Variants in HCRTR2 observed in about 807,000 individuals in gnomAD.
The protein encoded by HCRTR2 is orexin receptor type 2.
HCRTR2 carries 22 observed loss-of-function variants against 49.0 expected under a neutral mutation model. That is an observed-to-expected ratio of 0.45 (90% CI 0.32 to 0.64). The LOEUF is 0.64. HCRTR2 is among the 30% of genes least tolerant of loss of function. HCRTR2 has a pLI of 0.04. For missense variants in HCRTR2, 491 were observed against 559.4 expected (o/e 0.88, Z 1.23); for synonymous variants, 236 against 205.3 (o/e 1.15, Z -1.28).
At chr6:55,271,274 TA>T (rs1237358063) in intron 4 of HCRTR2, among the ~76,000 whole-genome samples, 1 of 152,268 alleles carries the variant, frequency 6.6e-6, no homozygotes, top group East Asian at 1.9e-4. Flanking sequence ...ATAAAGGTTT[TA>T]ACACAGTTCA....
chr6:55,263,707 G>T lies in HCRTR2; in HGVS notation c.647G>T (p.Gly216Val). 4 of 1,567,394 alleles carry T rather than the reference G, an allele frequency of 2.6e-6. No homozygotes were observed. Among genetic ancestry groups the T allele is most frequent in the Non-Finnish European group, 3.5e-6 (4 of 1,138,826 alleles). Residue 216 changes from glycine to valine, a missense_variant and splice_region_variant, in exon 4 of 7, where the codon GGT (glycine) becomes GTT (valine). Physicochemically the swap from Gly to Val is moderately radical, Grantham distance 109. Transcript: ENST00000370862. ...TTTGTTGTTTTGACTTTCATCCTAG[G>T]TGAAATTTATCCCAAGATGTACCAC... ...LFTVCDERWG[G>V]EIYPKMYHIC...
intron 1 of HCRTR2, among the ~76,000 whole-genome samples, chr6:55,208,456 C>T (rs1050485783): frequency 7.9e-5 from 12 of 151,444 alleles, no homozygotes; most frequent in African/African-American, 2.9e-4. Flanking sequence ...TACACCATTG[C>T]ACTCCAGTCT....
At chr6:55,261,015 C>A (rs1468085673) in intron 3 of HCRTR2, among the ~76,000 whole-genome samples, 1 of 151,988 alleles carries the variant, frequency 6.6e-6, no homozygotes, top group African/African-American at 2.4e-5. Flanking sequence ...ATAGAAAAGT[C>A]AAAACAAAGT....
chr6:55,140,061 G>A (rs1449497659), intron 1 of HCRTR2, among the ~76,000 whole-genome samples: 1 of 152,170 alleles, frequency 6.6e-6, no homozygotes, highest in African/African-American at 2.4e-5. Context: ...ACACACCCAT[G>A]CATAGTGGAT....
At chr6:55,207,555 G>A (rs926023488) in intron 1 of HCRTR2, among the ~76,000 whole-genome samples, 1 of 152,094 alleles carries the variant, frequency 6.6e-6, no homozygotes, top group East Asian at 1.9e-4. Flanking sequence ...ACAGTTTTGT[G>A]GGATTGTATT....
chr6:55,252,042 G>T (rs1562022534), intron 2 of HCRTR2, among the ~76,000 whole-genome samples: 1 of 152,066 alleles, frequency 6.6e-6, no homozygotes, highest in Non-Finnish European at 1.5e-5. Flanking sequence ...ATGATAAAAT[G>T]CAATTTTACA....
chr6:55,239,190 A>G (rs982621642), intron 1 of HCRTR2, among the ~76,000 whole-genome samples: 4 of 152,316 alleles, frequency 2.6e-5, no homozygotes, highest in Admixed American at 2.6e-4. Context: ...CACTAAGACT[A>G]TGGAACCTTC....
chr6:55,118,308 C>A (rs1413396216), intron 1 of HCRTR2, among the ~76,000 whole-genome samples: 2 of 151,922 alleles, frequency 1.3e-5, no homozygotes, highest in Non-Finnish European at 1.5e-5. Context: ...CATTGATGGA[C>A]ATTTAGGTTC....
At chr6:55,208,319 T>TAAAAATAAA (rs1562007245) in intron 1 of HCRTR2, among the ~76,000 whole-genome samples, 1 of 126,736 alleles carries the variant, frequency 7.9e-6, no homozygotes, top group Non-Finnish European at 1.7e-5. Context: ...CTACGAAAAA[T>TAAAAATAAA]AAAAAAATAA....
intron 3 of HCRTR2, among the ~76,000 whole-genome samples, chr6:55,258,165 T>G (rs1766688363): frequency 6.6e-6 from 1 of 152,142 alleles, no homozygotes; most frequent in Non-Finnish European, 1.5e-5. Context: ...CAAATATTTT[T>G]AAAGGCCAAC....
At chr6:55,203,869 T>G (rs1339669193) in intron 1 of HCRTR2, among the ~76,000 whole-genome samples, 4 of 151,306 alleles carry the variant, frequency 2.6e-5, no homozygotes, top group Non-Finnish European at 5.9e-5. Flanking sequence ...TGTAAGGACT[T>G]AAGGTTTTTT....
At chr6:55,169,341 G>T (rs556580802) in intron 1 of HCRTR2, among the ~76,000 whole-genome samples, 17 of 151,816 alleles carry the variant, frequency 1.1e-4, no homozygotes, top group Middle Eastern at 3.4e-3. Flanking sequence ...TTAAAACAGG[G>T]CATGGGAGGT....
intron 1 of HCRTR2, among the ~76,000 whole-genome samples, chr6:55,149,741 T>C (rs1209672562): frequency 6.6e-6 from 1 of 152,078 alleles, no homozygotes; most frequent in Non-Finnish European, 1.5e-5. Flanking sequence ...GGGTATTCAC[T>C]CATATTTAAT....
At chr6:55,223,190 C>T (rs1425902251) in intron 1 of HCRTR2, among the ~76,000 whole-genome samples, 1 of 152,064 alleles carries the variant, frequency 6.6e-6, no homozygotes, top group Non-Finnish European at 1.5e-5. Context: ...AAATTATTGG[C>T]ACCATATTTC....
At chr6:55,215,545 G>A (rs1203033458) in intron 1 of HCRTR2, among the ~76,000 whole-genome samples, 3 of 152,094 alleles carry the variant, frequency 2.0e-5, no homozygotes, top group Non-Finnish European at 2.9e-5. Context: ...TATTATAATG[G>A]TGGTGGGTAA....
intron 1 of HCRTR2, among the ~76,000 whole-genome samples, chr6:55,247,269 G>T (rs963261316): frequency 6.6e-6 from 1 of 152,074 alleles, no homozygotes; most frequent in Non-Finnish European, 1.5e-5. Context: ...ATATTACCAC[G>T]TGAGAGTTAG....
At chr6:55,228,803 A>G (rs2127299058) in intron 1 of HCRTR2, among the ~76,000 whole-genome samples, 1 of 152,366 alleles carries the variant, frequency 6.6e-6, no homozygotes, top group South Asian at 2.1e-4. Flanking sequence ...TGTTTTACAA[A>G]GACTTTTCAA....
At chr6:55,195,479 T>C (rs1487692379) in intron 1 of HCRTR2, among the ~76,000 whole-genome samples, 2 of 152,318 alleles carry the variant, frequency 1.3e-5, no homozygotes, top group African/African-American at 4.8e-5. Context: ...ATCTTAACAA[T>C]GTCTCAAATG....
chr6:55,268,021 T>G (rs184128799), intron 4 of HCRTR2, among the ~76,000 whole-genome samples: 55 of 152,276 alleles, frequency 3.6e-4, no homozygotes, highest in Admixed American at 6.5e-4. Context: ...ATTGTGAAGA[T>G]TCACCTTATA....
Sources: gnomAD v4.1 joint callset for allele counts (sites outside exome capture counted in the v4.1 genomes callset) on GRCh38, gnomAD v4.1.1 for gene constraint, MANE v1.5 for transcripts, NCBI Gene and HGNC (gene_info 2026-07-23, HGNC 2026-07-21) for gene names.